The following HMGCLL1 variants were observed in gnomAD, a reference collection of about 807,000 sequenced individuals.
HMGCLL1 encodes the protein 3-hydroxy-3-methylglutaryl-CoA lyase like 1, also known as 3-hydroxymethyl-3-methylglutaryl-CoA lyase, cytoplasmic.
In HMGCLL1, 36 loss-of-function variants were observed where a neutral mutation model predicts 39.1. The ratio of observed to expected loss-of-function variants is 0.92; its 90% CI spans 0.71 to 1.22. The LOEUF (loss-of-function observed/expected upper bound fraction) is 1.22, where lower values mean the gene tolerates loss of function less well. Among genes scored for constraint, HMGCLL1 ranks in the 50% most tolerant of loss-of-function variants. The probability of loss-of-function intolerance (pLI) is 0.00; values close to 1 mark genes in which losing one functional copy is unlikely to be tolerated. For missense variants in HMGCLL1, 451 were observed against 416.5 expected (o/e 1.08, Z -0.72); for synonymous variants, 149 against 144.0 (o/e 1.03, Z -0.25).
chr6:55,672,100 C>G, the HMGCLL1 span, among the ~76,000 whole-genome samples: 112 of 151,506 alleles, frequency 7.4e-4, no homozygotes, highest in Admixed American at 1.4e-3. Context: ...TCCTTTTGTA[C>G]CTTTTAAATT....
chr6:55,587,707 A>G, the HMGCLL1 span, among the ~76,000 whole-genome samples: 3 of 152,226 alleles, frequency 2.0e-5, no homozygotes, highest in East Asian at 5.8e-4. Flanking sequence ...GGACGGAGGA[A>G]GATCTATCAA....
chr6:55,618,402 C>G, the HMGCLL1 span, among the ~76,000 whole-genome samples: 1 of 150,696 alleles, frequency 6.6e-6, no homozygotes, highest in African/African-American at 2.4e-5. Context: ...AAATTATTCT[C>G]TAGTGGACTT....
intron 7 of HMGCLL1, among the ~76,000 whole-genome samples, chr6:55,471,362 C>A (rs1482816602): frequency 6.6e-6 from 1 of 151,690 alleles, no homozygotes; most frequent in Non-Finnish European, 1.5e-5. Flanking sequence ...TCATTATAAA[C>A]AATTCTGCTA....
At chr6:55,612,364 C>T in the HMGCLL1 span, among the ~76,000 whole-genome samples, 1 of 152,062 alleles carries the variant, frequency 6.6e-6, no homozygotes, top group Non-Finnish European at 1.5e-5. Context: ...TGAAAATGGC[C>T]ATACTGTCCA....
At chr6:55,464,120 AAT>A (rs1764698207) in intron 7 of HMGCLL1, among the ~76,000 whole-genome samples, 1 of 152,214 alleles carries the variant, frequency 6.6e-6, no homozygotes, top group Non-Finnish European at 1.5e-5. Context: ...AGCTGTGAAT[AAT>A]ATTAACATTA....
intron 3 of HMGCLL1, among the ~76,000 whole-genome samples, chr6:55,522,890 A>G (rs1440094317): frequency 1.3e-5 from 2 of 152,022 alleles, no homozygotes; most frequent in Admixed American, 1.3e-4. Flanking sequence ...TGGAAATATT[A>G]AAAGTTTAAG....
chr6:55,451,366 T>TA (rs1428971723), intron 7 of HMGCLL1, among the ~76,000 whole-genome samples: 1 of 152,142 alleles, frequency 6.6e-6, no homozygotes, highest in Non-Finnish European at 1.5e-5. Context: ...CTCACACCTG[T>TA]AATCCCAGCA....
chr6:55,582,173 G>T (rs1771996984), upstream of HMGCLL1, among the ~76,000 whole-genome samples: 1 of 152,174 alleles, frequency 6.6e-6, no homozygotes, highest in Non-Finnish European at 1.5e-5. Context: ...AACAGGGACT[G>T]AGTGACCCTG....
At chr6:55,660,456 A>G in the HMGCLL1 span, among the ~76,000 whole-genome samples, 2 of 151,956 alleles carry the variant, frequency 1.3e-5, no homozygotes, top group African/African-American at 4.8e-5. Context: ...CTTATAAATG[A>G]AAACATGCCG....
At chr6:55,444,487 T>C (rs1763732243) in intron 7 of HMGCLL1, among the ~76,000 whole-genome samples, 1 of 152,042 alleles carries the variant, frequency 6.6e-6, no homozygotes, top group East Asian at 1.9e-4. Flanking sequence ...AATAGCTTTA[T>C]GGTGTAGCTA....
intron 3 of HMGCLL1, among the ~76,000 whole-genome samples, chr6:55,522,113 A>G (rs1768072151): frequency 6.6e-6 from 1 of 151,986 alleles, no homozygotes; most frequent in Non-Finnish European, 1.5e-5. Context: ...GATGCTCTTC[A>G]ATATTATAAA....
chr6:55,668,295 A>AGAATT, the HMGCLL1 span, among the ~76,000 whole-genome samples: 5 of 151,948 alleles, frequency 3.3e-5, no homozygotes, highest in African/African-American at 1.2e-4. Flanking sequence ...CAGGGTTAAC[A>AGAATT]GAATTGTCCC....
intron 1 of HMGCLL1, among the ~76,000 whole-genome samples, chr6:55,544,635 T>A (rs895940707): frequency 6.6e-6 from 1 of 152,168 alleles, no homozygotes; most frequent in Non-Finnish European, 1.5e-5. Context: ...AATTCAAGTC[T>A]GTGGAACAAA....
chr6:55,639,893 A>G, the HMGCLL1 span, among the ~76,000 whole-genome samples: 2,153 of 152,184 alleles, frequency 0.014, 44 homozygotes, highest in African/African-American at 0.049. Context: ...AGCCTGGCCA[A>G]CATGGTGAAA....
intron 6 of HMGCLL1, 118 bp from the exon 7 acceptor site, chr6:55,495,725 G>T: frequency 6.9e-6 from 4 of 583,268 alleles, no homozygotes; most frequent in Middle Eastern, 3.7e-4. Flanking sequence ...TAATGTCCAT[G>T]AAAAATATAT....
chr6:55,653,698 T>C, the HMGCLL1 span, among the ~76,000 whole-genome samples: 1 of 151,936 alleles, frequency 6.6e-6, no homozygotes, highest in Non-Finnish European at 1.5e-5. Flanking sequence ...GTATTACCAA[T>C]AGGAACCCTG....
intron 1 of HMGCLL1, among the ~76,000 whole-genome samples, chr6:55,565,365 A>G (rs537330805): frequency 1.3e-5 from 2 of 152,254 alleles, no homozygotes; most frequent in Non-Finnish European, 2.9e-5. Flanking sequence ...TACTTGGTAA[A>G]GAGGAGTTAG....
At position 55,518,836 on chromosome 6, in the gene HMGCLL1, A is replaced by G. The variant is rs543100376; in HGVS notation, c.298-2233T>C. Among the ~76,000 whole-genome samples the G allele has an allele frequency of 9.2e-5, 14 of 152,262 alleles. No individual in the cohort carries two copies. The East Asian group carries it at 2.5e-3, about 27-fold the overall frequency. On this transcript the variant is annotated intron_variant, in intron 3 of 8. Transcript: ENST00000274901. ...GCTGAGGCCCTAGACACTGAAGACC[A>G]GACACAACCTGTCCCCCATGTCCTG...
chr6:55,576,401 G>T (rs1771761018), intron 1 of HMGCLL1, among the ~76,000 whole-genome samples: 1 of 152,192 alleles, frequency 6.6e-6, no homozygotes, highest in East Asian at 1.9e-4. Flanking sequence ...AGCTTAAGAT[G>T]ATGTTGCTGA....
Sources: allele counts gnomAD v4.1 joint callset (sites outside exome capture counted in the v4.1 genomes callset), GRCh38; gene constraint gnomAD v4.1.1; transcripts MANE v1.5; gene names NCBI Gene and HGNC (gene_info 2026-07-23, HGNC 2026-07-21).